Variants in CD200R1L observed in about 807,000 individuals in gnomAD.
CD200R1L encodes the protein cell surface glycoprotein CD200 receptor 2.
Under a neutral mutation model 24.8 loss-of-function variants are expected in CD200R1L, and 14 were observed. The ratio of observed to expected loss-of-function variants is 0.56; its 90% CI spans 0.37 to 0.88. The LOEUF is 0.88. Ranked by LOEUF, CD200R1L falls within the 40% of genes least tolerant of loss-of-function variation. The probability of loss-of-function intolerance (pLI) is 0.00; values close to 1 mark genes in which losing one functional copy is unlikely to be tolerated. For synonymous variants in CD200R1L, 111 were observed against 109.2 expected (o/e 1.02, Z -0.11); for missense variants, 299 against 297.8 (o/e 1.00, Z -0.03).
intron 3 of CD200R1L, among the ~76,000 whole-genome samples, chr3:112,834,366 T>C (rs1301635893): frequency 6.6e-6 from 1 of 151,908 alleles, no homozygotes; most frequent in Non-Finnish European, 1.5e-5. Context: ...TTAGAGAATT[T>C]GTGCTTCCAA....
chr3:112,832,575 C>G (rs933235567), intron 3 of CD200R1L, among the ~76,000 whole-genome samples: 1 of 152,150 alleles, frequency 6.6e-6, no homozygotes, highest in Non-Finnish European at 1.5e-5. Context: ...TGGTCCCCAT[C>G]ATGTCTCTTA....
intron 3 of CD200R1L, among the ~76,000 whole-genome samples, chr3:112,833,918 A>G (rs1938870477): frequency 6.6e-6 from 1 of 152,218 alleles, no homozygotes; most frequent in South Asian, 2.1e-4. Flanking sequence ...TGTAATACTC[A>G]GTAATAAAAG....
chr3:112,818,170 GAA>G (rs1938441705), intron 7 of CD200R1L, among the ~76,000 whole-genome samples: 1 of 152,040 alleles, frequency 6.6e-6, no homozygotes, highest in African/African-American at 2.4e-5. Context: ...CTTTAAATAA[GAA>G]AAGTCTTCTT....
intron 6 of CD200R1L, among the ~76,000 whole-genome samples, chr3:112,821,300 C>T (rs1028119132): frequency 5.3e-5 from 8 of 152,152 alleles, no homozygotes; most frequent in African/African-American, 1.9e-4. Context: ...CAGACTCATA[C>T]AAATGAGAAG....
In CD200R1L at chr3:112,827,720, C is replaced by T. The variant is rs375528566; in HGVS notation, c.50-36G>A. ...ACACAAAGGATAATGATATAGAAAACCTTGATAAGGAACTTCATGTGTTAT... is the reference window on the plus strand; with the variant it reads ...ACACAAAGGATAATGATATAGAAAATCTTGATAAGGAACTTCATGTGTTAT... On this transcript the variant is annotated intron_variant, in intron 4 of 7. Transcript: ENST00000488794. 1.7e-5 allele frequency: 26 copies of T among 1,567,652 alleles called. No individual in the cohort carries two copies. The African/African-American group carries it at 3.4e-4, about 21-fold the overall frequency.
intron 3 of CD200R1L, among the ~76,000 whole-genome samples, chr3:112,836,361 G>T (rs1456341131): frequency 6.6e-6 from 1 of 152,206 alleles, no homozygotes; most frequent in Non-Finnish European, 1.5e-5. Context: ...CCTACTGATG[G>T]CAGTGGCCAC....
At chr3:112,829,563 T>C (rs1006876813) in intron 3 of CD200R1L, 179 bp from the exon 4 acceptor site, 2 of 902,378 alleles carry the variant, frequency 2.2e-6, no homozygotes, top group South Asian at 5.1e-5. Flanking sequence ...AAAAAACATG[T>C]TAACATCTTG....
intron 4 of CD200R1L, 147 bp from the exon 5 acceptor site, chr3:112,827,831 A>G (rs1056501838): frequency 1.4e-6 from 1 of 739,272 alleles, no homozygotes; most frequent in Non-Finnish European, 2.1e-6. Context: ...AGGTAAGAAA[A>G]TAACATTCAC....
Position 112,827,202 on chromosome 3 carries a change from G to A in CD200R1L, c.407C>T (p.Thr136Ile), listed in dbSNP as rs547208713. The change falls in exon 6 of 8, where the codon ACT becomes ATT. Residue 136 changes from threonine to isoleucine, a missense_variant. Coordinates refer to ENST00000488794, the MANE Select transcript of CD200R1L (RefSeq NM_001199215.3). ...EVNLFQSRNI[T>I]AVCKAVTGKP... ...CCCTGTAACTGCCTTGCATACTGCAGTTATATTCCTGCTTTGAAATAGGTT... is the reference window on the plus strand; with the variant it reads ...CCCTGTAACTGCCTTGCATACTGCAATTATATTCCTGCTTTGAAATAGGTT... The A allele has an allele frequency of 1.2e-5, 20 of 1,613,330 alleles. No individual in the cohort carries two copies. The South Asian group carries it at 1.4e-4, about 12-fold the overall frequency.
chr3:112,841,090 C>T (rs1939069243), intron 2 of CD200R1L, among the ~76,000 whole-genome samples: 1 of 152,030 alleles, frequency 6.6e-6, no homozygotes, highest in African/African-American at 2.4e-5. Context: ...GGCTCCCCAC[C>T]CAATCTCATT....
Position 112,837,777 on chromosome 3 carries a change from G to C in CD200R1L, c.-18+165C>G, listed in dbSNP as rs140226805. The stretch of plus-strand genomic sequence containing the variant: ...TAAGAAATCTACATGTTTGCTTTTT[G>C]TTGTTGAATTAAATTGAATAAGTCG... On this transcript the variant is annotated intron_variant, in intron 3 of 7. Transcript: ENST00000488794. Among the ~76,000 whole-genome samples the C allele has an allele frequency of 4.3e-3, 647 of 151,774 alleles. 37 individuals carry two copies. Among genetic ancestry groups the C allele is most frequent in the African/African-American group, 0.015 (619 of 41,072 alleles).
chr3:112,819,836 A>T lies in CD200R1L; in HGVS notation c.676T>A (p.Ser226Thr). ...GTGACCAGAATGACCACAAAAAGAG[A>T]GAGTTTCACATAAAGAATGATCAGT... ...SLLIILYVKL[S>T]LFVVILVTTG... The change falls in exon 7 of 8, where the codon TCT becomes ACT. Residue 226 changes from serine (S) to threonine (T), a missense_variant. By Grantham distance (58) the Ser-to-Thr change is moderately conservative. Coordinates refer to ENST00000488794, the MANE Select transcript of CD200R1L (RefSeq NM_001199215.3). 6.2e-7 allele frequency: 1 copy of T among 1,611,660 alleles called. No individual in the cohort carries two copies. The highest frequency in any genetic ancestry group is 8.5e-7 in the Non-Finnish European group (1 of 1,179,174).
intron 4 of CD200R1L, 69 bp from the exon 5 acceptor site, chr3:112,827,753 C>T: frequency 5.7e-6 from 8 of 1,401,448 alleles, no homozygotes; most frequent in Non-Finnish European, 7.8e-6. Flanking sequence ...TATGTTTATC[C>T]ACAGTATATT....
intron 3 of CD200R1L, among the ~76,000 whole-genome samples, chr3:112,834,474 T>C (rs1938885236): frequency 6.6e-6 from 1 of 152,180 alleles, no homozygotes; most frequent in African/African-American, 2.4e-5. Flanking sequence ...AAGCTATAGC[T>C]AAGCTATAGC....
Position 112,815,993 on chromosome 3 carries a change from G to A in CD200R1L, c.741-18C>T. 1 of 780,000 alleles carries A rather than the reference G, an allele frequency of 1.3e-6. No homozygotes were observed. The highest frequency in any genetic ancestry group is 2.4e-6 in the Non-Finnish European group (1 of 417,614). 48.3% of individuals were successfully genotyped at this position (780,000 alleles called of 1,614,324 possible). The stretch of plus-strand genomic sequence containing the variant: ...GAACTTTTCTGAAAGTATTACACAA[G>A]ATTTGTATTTATATCTCATTTTCCA... On this transcript the variant is annotated intron_variant, in intron 7 of 7. Coordinates refer to ENST00000488794, the MANE Select transcript of CD200R1L (RefSeq NM_001199215.3).
chr3:112,829,488 C>G, intron 3 of CD200R1L, 104 bp from the exon 4 acceptor site: 1 of 1,273,918 alleles, frequency 7.8e-7, no homozygotes, highest in Non-Finnish European at 1.1e-6. Context: ...AATTAGTTAA[C>G]CATAACTAAA....
At chr3:112,831,835 T>C (rs1313132539) in intron 3 of CD200R1L, among the ~76,000 whole-genome samples, 1 of 152,224 alleles carries the variant, frequency 6.6e-6, no homozygotes, top group South Asian at 2.1e-4. Context: ...TTGCCTCCAC[T>C]TCTCACTCCA....
intron 6 of CD200R1L, among the ~76,000 whole-genome samples, chr3:112,822,913 T>A (rs76677551): frequency 0.1 from 15,480 of 152,222 alleles, 1,020 homozygotes; most frequent in African/African-American, 0.18. Context: ...GAAGACGTAT[T>A]CCCTCTAAAC....
In CD200R1L at chr3:112,815,872, G is replaced by A. The variant is rs1479350850; in HGVS notation, c.*91C>T. 1.3e-6 allele frequency: 1 copy of A among 757,948 alleles called. No homozygotes were observed. Among genetic ancestry groups the A allele is most frequent in the Non-Finnish European group, 2.4e-6 (1 of 409,506 alleles). The allele number at this position is 757,948 out of a possible 1,614,324, so 47.0% of individuals were successfully genotyped here. On this transcript the variant is annotated 3_prime_UTR_variant, in exon 8 of 8. Transcript: ENST00000488794. ...GCTTCTATCCTTAACATCATCCATG[G>A]CCCAAGTTCACTGCTGGACCATCAC... is the stretch of plus-strand genomic sequence containing the variant.
Sources: gnomAD v4.1 joint callset for allele counts (sites outside exome capture counted in the v4.1 genomes callset) on GRCh38, gnomAD v4.1.1 for gene constraint, MANE v1.5 for transcripts, NCBI Gene and HGNC (gene_info 2026-07-23, HGNC 2026-07-21) for gene names.